BAALC: variants seen among roughly 807,000 people sequenced by gnomAD.
BAALC encodes brain and acute leukemia cytoplasmic protein.
BAALC carries 9 observed loss-of-function variants against 15.5 expected under a neutral mutation model. The ratio of observed to expected loss-of-function variants is 0.58; its 90% CI spans 0.35 to 1.02. The LOEUF is 1.02. Among genes scored for constraint, BAALC ranks in the 50% least tolerant of loss-of-function variants. BAALC has a pLI of 0.02. For missense variants in BAALC, 201 were observed against 192.4 expected, an observed-to-expected ratio of 1.04 and a Z score of -0.27; for synonymous variants, 80 against 74.6, an observed-to-expected ratio of 1.07 and a Z score of -0.37.
Position 103,167,935 on chromosome 8 carries a change from T to A in BAALC, c.160+26878T>A, listed in dbSNP as rs553522154. On this transcript the variant is annotated intron_variant, in intron 1 of 2. Coordinates refer to ENST00000309982, the MANE Select transcript of BAALC (RefSeq NM_024812.3). The stretch of plus-strand genomic sequence containing the variant: ...TTAGCACAGATGCCAATATCTCAGA[T>A]AAGTCTTAGCTGACCCTTAGATTAG... Among the ~76,000 whole-genome samples the A allele has an allele frequency of 7.2e-5, 11 of 152,344 alleles. No individual in the cohort carries two copies. In the East Asian group the frequency reaches 2.1e-3, roughly 29 times the overall value.
chr8:103,215,778 G>C (rs958395407), intron 2 of BAALC, among the ~76,000 whole-genome samples: 2 of 152,194 alleles, frequency 1.3e-5, no homozygotes, highest in Non-Finnish European at 2.9e-5. Flanking sequence ...AACATACTCC[G>C]TCCAAAGTGG....
chr8:103,157,726 G>C (rs981499129), intron 1 of BAALC, among the ~76,000 whole-genome samples: 1 of 152,166 alleles, frequency 6.6e-6, no homozygotes, highest in African/African-American at 2.4e-5. Flanking sequence ...AAGCCTGCTT[G>C]AGCCTGGGAG....
intron 1 of BAALC, among the ~76,000 whole-genome samples, chr8:103,179,305 G>A (rs1157741426): frequency 6.6e-6 from 1 of 152,146 alleles, no homozygotes; most frequent in Non-Finnish European, 1.5e-5. Context: ...ATCTCCACAT[G>A]TCCACTGGGG....
chr8:103,193,608 C>A (rs1293392010), intron 1 of BAALC, among the ~76,000 whole-genome samples: 1 of 152,204 alleles, frequency 6.6e-6, no homozygotes, highest in Non-Finnish European at 1.5e-5. Flanking sequence ...TAGAGTCACA[C>A]AGATCTGGGT....
chr8:103,167,824 C>T (rs151308163), intron 1 of BAALC, among the ~76,000 whole-genome samples: 1 of 152,266 alleles, frequency 6.6e-6, no homozygotes, highest in African/African-American at 2.4e-5. Context: ...AATGAGAAGC[C>T]TTGGATGGGT....
At chr8:103,143,788 G>T (rs1475493072) in intron 1 of BAALC, among the ~76,000 whole-genome samples, 1 of 152,188 alleles carries the variant, frequency 6.6e-6, no homozygotes, top group African/African-American at 2.4e-5. Context: ...ACTTGTAAAA[G>T]TTTTCAGAAT....
chr8:103,228,121 C>T lies in BAALC; in HGVS notation c.*22C>T. 2 of 1,483,862 alleles carry T rather than the reference C, an allele frequency of 1.3e-6. No individual in the cohort carries two copies. Among genetic ancestry groups the T allele is most frequent in the South Asian group, 1.1e-5 (1 of 87,760 alleles). 91.9% of individuals were successfully genotyped at this position (1,483,862 alleles called of 1,614,324 possible). ...CTAGCAGAGAGTCCAAGCAGAAGGG[C>T]AGATGGACTTCTTCAGTGTCCTTCA... On this transcript the variant is annotated 3_prime_UTR_variant, in exon 3 of 3. Coordinates refer to ENST00000309982, the MANE Select transcript of BAALC (RefSeq NM_024812.3).
rs117316543 is a variant in BAALC, at chr8:103,196,947, C to T, written c.161-15972C>T. ...TCATGGGTCTGGGGAGAAGAAAATGCACCAAGGTAGTTTAATTAAATACAC... is the reference window on the plus strand; with the variant it reads ...TCATGGGTCTGGGGAGAAGAAAATGTACCAAGGTAGTTTAATTAAATACAC... On this transcript the variant is annotated intron_variant, in intron 1 of 2. Coordinates refer to ENST00000309982, the MANE Select transcript of BAALC (RefSeq NM_024812.3). 8.3e-3 allele frequency among the ~76,000 whole-genome samples: 1,257 copies of T among 152,256 alleles called. 22 individuals are homozygous for T. Among genetic ancestry groups the T allele is most frequent in the Non-Finnish European group, 7.5e-3 (511 of 68,012 alleles).
intron 1 of BAALC, among the ~76,000 whole-genome samples, chr8:103,143,782 G>A (rs749734096): frequency 1.3e-5 from 2 of 152,180 alleles, no homozygotes; most frequent in Non-Finnish European, 2.9e-5. Context: ...TCTGGGACTT[G>A]TAAAAGTTTT....
chr8:103,159,393 T>C (rs1283220220), intron 1 of BAALC, among the ~76,000 whole-genome samples: 1 of 152,248 alleles, frequency 6.6e-6, no homozygotes, highest in Non-Finnish European at 1.5e-5. Flanking sequence ...CATTTATTAC[T>C]TGGAATTCTT....
At chr8:103,142,716 T>C (rs1257188211) in intron 1 of BAALC, among the ~76,000 whole-genome samples, 1 of 152,232 alleles carries the variant, frequency 6.6e-6, no homozygotes, top group Non-Finnish European at 1.5e-5. Flanking sequence ...TATATGCATA[T>C]GTATGGGTAT....
At chr8:103,181,757 A>G (rs1811735305) in intron 1 of BAALC, among the ~76,000 whole-genome samples, 1 of 152,202 alleles carries the variant, frequency 6.6e-6, no homozygotes, top group Admixed American at 6.5e-5. Context: ...TAAAACTAAT[A>G]TTTATTAGCA....
intron 1 of BAALC, among the ~76,000 whole-genome samples, chr8:103,203,932 C>T (rs189104593): frequency 5.7e-4 from 87 of 152,326 alleles, no homozygotes; most frequent in Admixed American, 1.1e-3. Flanking sequence ...GCTTTCGTTT[C>T]TCTTGGGTGT....
chr8:103,161,045 C>T (rs1316876358), intron 1 of BAALC, among the ~76,000 whole-genome samples: 3 of 152,174 alleles, frequency 2.0e-5, no homozygotes, highest in Admixed American at 2.0e-4. Context: ...AAGCCATCAA[C>T]TTGCTAGACA....
chr8:103,166,460 G>A (rs576435507), intron 1 of BAALC, among the ~76,000 whole-genome samples: 2 of 152,224 alleles, frequency 1.3e-5, no homozygotes, highest in East Asian at 3.9e-4. Flanking sequence ...GGCTTGAAGT[G>A]GAGCAGATGT....
intron 1 of BAALC, among the ~76,000 whole-genome samples, chr8:103,209,223 T>G (rs536508988): frequency 9.2e-4 from 140 of 152,026 alleles, no homozygotes; most frequent in African/African-American, 3.2e-3. Flanking sequence ...AATACAAAAA[T>G]TAGCTGGGTG....
intron 1 of BAALC, among the ~76,000 whole-genome samples, chr8:103,153,749 C>G (rs1811029412): frequency 1.3e-5 from 2 of 152,168 alleles, no homozygotes. Context: ...AGCTCGCAGC[C>G]AACTGGCAAA....
intron 1 of BAALC, among the ~76,000 whole-genome samples, chr8:103,169,553 C>T (rs952838678): frequency 1.3e-5 from 2 of 152,302 alleles, no homozygotes; most frequent in Non-Finnish European, 2.9e-5. Context: ...TATAGAGTAT[C>T]TGGCTGGATC....
intron 1 of BAALC, among the ~76,000 whole-genome samples, chr8:103,167,262 C>T (rs1047177468): frequency 2.3e-4 from 35 of 152,048 alleles, no homozygotes; most frequent in Admixed American, 1.6e-3. Context: ...ATGTAGGGTG[C>T]GCTTTCAAAG....
Sources: gnomAD v4.1 joint callset for allele counts (sites outside exome capture counted in the v4.1 genomes callset) on GRCh38, gnomAD v4.1.1 for gene constraint, MANE v1.5 for transcripts, NCBI Gene and HGNC (gene_info 2026-07-23, HGNC 2026-07-21) for gene names.